The following RABEP1 variants were observed in gnomAD, a reference collection of about 807,000 sequenced individuals.
RABEP1 encodes the protein rab GTPase-binding effector protein 1.
Under a neutral mutation model 123.4 loss-of-function variants are expected in RABEP1, and 51 were observed. The ratio of observed to expected loss-of-function variants is 0.41; its 90% CI spans 0.33 to 0.52. RABEP1 has a LOEUF of 0.52. RABEP1 is among the 20% of genes least tolerant of loss of function. RABEP1 has a pLI of 0.16. For synonymous variants in RABEP1, 347 were observed against 355.2 expected (o/e 0.98, Z 0.26); for missense variants, 888 against 996.3 (o/e 0.89, Z 1.46).
intron 1 of RABEP1, among the ~76,000 whole-genome samples, chr17:5,296,248 C>T (rs1384147479): frequency 6.6e-6 from 1 of 152,054 alleles, no homozygotes; most frequent in East Asian, 1.9e-4. Context: ...TTTGGTACTG[C>T]ATTGGGTTTT....
rs763577734 is a variant in RABEP1, at chr17:5,347,064, T to C, written c.784+139T>C. The C allele has an allele frequency of 1.9e-4, 139 of 713,056 alleles. 2 individuals carry two copies. Among genetic ancestry groups the C allele is most frequent in the Non-Finnish European group, 2.4e-4 (117 of 485,888 alleles). The allele number at this position is 713,056 out of a possible 1,614,324, so 44.2% of individuals were successfully genotyped here. A position where few individuals can be genotyped will look rare whatever the true frequency, so the allele number is the denominator to read the frequency against. On this transcript the variant is annotated intron_variant, in intron 6 of 17. Coordinates refer to ENST00000537505, the MANE Select transcript of RABEP1 (RefSeq NM_004703.6). ...ATTTAAGCCTTGTAGTTGGTTTAAATGTACTCATGCAAAGCTGAAATTATG... is the reference window on the plus strand; with the variant it reads ...ATTTAAGCCTTGTAGTTGGTTTAAACGTACTCATGCAAAGCTGAAATTATG...
At chr17:5,379,922 C>T (rs1330403620) in intron 15 of RABEP1, among the ~76,000 whole-genome samples, 1 of 152,184 alleles carries the variant, frequency 6.6e-6, no homozygotes. Context: ...TGCTGTAGGC[C>T]AGCCGAACAT....
intron 2 of RABEP1, among the ~76,000 whole-genome samples, chr17:5,314,475 T>G (rs1416843475): frequency 6.6e-6 from 1 of 151,280 alleles, no homozygotes; most frequent in Non-Finnish European, 1.5e-5. Context: ...TACCCCTTCT[T>G]TTCCAAGCCG....
rs1206326598 is a variant in RABEP1, at chr17:5,386,323, G to A, written c.*3100G>A. 1 of 1,318,920 alleles carries A rather than the reference G, an allele frequency of 7.6e-7. No homozygotes were observed. Among genetic ancestry groups the A allele is most frequent in the Non-Finnish European group, 1.1e-6 (1 of 933,886 alleles). 81.7% of individuals were successfully genotyped at this position (1,318,920 alleles called of 1,614,324 possible). A position where few individuals can be genotyped will look rare whatever the true frequency, so the allele number is the denominator to read the frequency against. ...GGAATTATAATAAACCATTTATATG[G>A]ATTCTTAAGAATTTAAACTGGTAAT... On this transcript the variant is annotated 3_prime_UTR_variant, in exon 18 of 18. Transcript: ENST00000537505.
At chr17:5,364,192 A>G (rs1909817767) in intron 10 of RABEP1, 1 of 152,244 alleles carries the variant, frequency 6.6e-6, no homozygotes, top group African/African-American at 2.4e-5. Context: ...TTTCATAAAC[A>G]TTTCAGTAGA....
intron 11 of RABEP1, among the ~76,000 whole-genome samples, chr17:5,365,949 T>C (rs931623346): frequency 1.3e-5 from 2 of 152,236 alleles, no homozygotes; most frequent in Admixed American, 1.3e-4. Flanking sequence ...TTTCCAGTTC[T>C]GGGATATTAT....
chr17:5,319,342 CAA>C (rs1350083725), intron 2 of RABEP1, among the ~76,000 whole-genome samples: 4 of 89,026 alleles, frequency 4.5e-5, no homozygotes, highest in Non-Finnish European at 9.1e-5. Context: ...AAAAAAAAAA[CAA>C]AAAAACAAAA....
At chr17:5,322,606 A>C (rs1042334818) in intron 2 of RABEP1, among the ~76,000 whole-genome samples, 1 of 152,238 alleles carries the variant, frequency 6.6e-6, no homozygotes, top group Admixed American at 6.5e-5. Context: ...CATCAGAATT[A>C]AACTACACAG....
chr17:5,383,902 T>A lies in RABEP1; in HGVS notation c.*679T>A, dbSNP rs1911720197. Reference sequence around the variant, plus strand: ...GGCTGGGGCTATATATACTGGAAGTTGAAGGTTAAAGGAAAAGCACAAGAA... The same window carrying A: ...GGCTGGGGCTATATATACTGGAAGTAGAAGGTTAAAGGAAAAGCACAAGAA... On this transcript the variant is annotated 3_prime_UTR_variant, in exon 18 of 18. Coordinates refer to ENST00000537505, the MANE Select transcript of RABEP1 (RefSeq NM_004703.6). 4.5e-6 allele frequency: 1 copy of A among 223,572 alleles called. No individual in the cohort carries two copies. The highest frequency in any genetic ancestry group is 8.9e-6 in the Non-Finnish European group (1 of 111,940). 13.8% of individuals were successfully genotyped at this position (223,572 alleles called of 1,614,324 possible). A position where few individuals can be genotyped will look rare whatever the true frequency, so the allele number is the denominator to read the frequency against.
intron 1 of RABEP1, among the ~76,000 whole-genome samples, chr17:5,308,180 A>G (rs1023330560): frequency 2.0e-5 from 3 of 151,516 alleles, no homozygotes; most frequent in South Asian, 2.1e-4. Flanking sequence ...TTGTGGTTTC[A>G]CTTTACATGA....
intron 9 of RABEP1, 60 bp from the exon 10 acceptor site, chr17:5,362,852 C>A: frequency 9.0e-7 from 1 of 1,114,692 alleles, no homozygotes; most frequent in East Asian, 2.4e-5. Flanking sequence ...TGCACGTGTA[C>A]CTCAAGTGTG....
chr17:5,361,128 C>A, intron 8 of RABEP1, 80 bp from the exon 9 acceptor site: 1 of 1,207,754 alleles, frequency 8.3e-7, no homozygotes, highest in Non-Finnish European at 1.2e-6. Context: ...TAATGAGTGG[C>A]GGAATACATT....
intron 17 of RABEP1, chr17:5,381,790 T>G (rs1406088823): frequency 2.4e-5 from 6 of 251,066 alleles, no homozygotes; most frequent in Non-Finnish European, 4.4e-5. Flanking sequence ...GGCCCACCCC[T>G]GTATTTTGCT....
rs1024341694 is a variant in RABEP1 at position 5,357,529 on chromosome 17, G to T, written c.1095+3039G>T. Among the ~76,000 whole-genome samples, 22 of 151,924 alleles carry T rather than the reference G, an allele frequency of 1.4e-4. 1 individual carries two copies. The highest frequency in any genetic ancestry group is 1.4e-3 in the Admixed American group (21 of 15,240). On this transcript the variant is annotated intron_variant, in intron 8 of 17. Coordinates refer to ENST00000537505, the MANE Select transcript of RABEP1 (RefSeq NM_004703.6). ...TGGGACTACAGGTGCACACCACCAC[G>T]CCCAGCTATTTTTGTATTTTTAGTA...
chr17:5,302,087 A>T (rs1485515327), intron 1 of RABEP1, among the ~76,000 whole-genome samples: 2 of 152,100 alleles, frequency 1.3e-5, no homozygotes, highest in Non-Finnish European at 2.9e-5. Flanking sequence ...AAGGGTGAGC[A>T]ACTTGGATAA....
intron 15 of RABEP1, among the ~76,000 whole-genome samples, chr17:5,379,542 C>T (rs1265021791): frequency 6.6e-6 from 1 of 152,160 alleles, no homozygotes; most frequent in African/African-American, 2.4e-5. Context: ...CCCAGGCATC[C>T]CTCCACCTGC....
Position 5,335,168 on chromosome 17 carries a change from T to C in RABEP1, c.368-16T>C, listed in dbSNP as rs1444907741. The stretch of plus-strand genomic sequence containing the variant: ...TCATAATGCTTAGATGTGAAATATG[T>C]GGTGATGTTTTGTAGAAACAGTTCG... On this transcript the variant is annotated splice_polypyrimidine_tract_variant and intron_variant, in intron 3 of 17. Coordinates refer to ENST00000537505, the MANE Select transcript of RABEP1 (RefSeq NM_004703.6). 1 of 1,589,570 alleles carries C rather than the reference T, an allele frequency of 6.3e-7. No individual in the cohort carries two copies. The highest frequency in any genetic ancestry group is 1.3e-5 in the African/African-American group (1 of 74,118).
intron 2 of RABEP1, among the ~76,000 whole-genome samples, chr17:5,329,164 A>T (rs1433262090): frequency 6.6e-6 from 1 of 151,842 alleles, no homozygotes; most frequent in East Asian, 1.9e-4. Flanking sequence ...ATGCATCTGT[A>T]CAGTACGTTA....
At chr17:5,325,702 G>A (rs951129284) in intron 2 of RABEP1, among the ~76,000 whole-genome samples, 1 of 151,820 alleles carries the variant, frequency 6.6e-6, no homozygotes, top group Non-Finnish European at 1.5e-5. Context: ...GACAACCCTT[G>A]GTGTCCATGG....
Sources: allele counts gnomAD v4.1 joint callset (sites outside exome capture counted in the v4.1 genomes callset), GRCh38; gene constraint gnomAD v4.1.1; transcripts MANE v1.5; gene names NCBI Gene and HGNC (gene_info 2026-07-23, HGNC 2026-07-21).